The following HIVEP1 variants were observed in gnomAD, a reference collection of about 807,000 sequenced individuals.
The protein encoded by HIVEP1 is HIVEP zinc finger 1.
HIVEP1 carries 36 observed loss-of-function variants against 180.0 expected under a neutral mutation model. The ratio of observed to expected loss-of-function variants is 0.20; its 90% CI spans 0.15 to 0.26. The LOEUF (loss-of-function observed/expected upper bound fraction) is 0.26, where lower values mean the gene tolerates loss of function less well. Ranked by LOEUF, HIVEP1 falls within the 10% of genes least tolerant of loss-of-function variation. HIVEP1 has a pLI of 1.00. For missense variants in HIVEP1, 3,143 were observed against 3,268.7 expected, an observed-to-expected ratio of 0.96 and a Z score of 0.94; for synonymous variants, 1,239 against 1,239.0, an observed-to-expected ratio of 1.00 and a Z score of 0.00.
chr6:12,205,671 G>A, the HIVEP1 span, among the ~76,000 whole-genome samples: 4 of 152,076 alleles, frequency 2.6e-5, no homozygotes, highest in Admixed American at 2.6e-4. Context: ...GTCGTTATAA[G>A]GGTTATATAA....
intron 2 of HIVEP1, among the ~76,000 whole-genome samples, chr6:12,022,972 G>A (rs746387766): frequency 6.6e-6 from 1 of 152,134 alleles, no homozygotes; most frequent in Non-Finnish European, 1.5e-5. Flanking sequence ...GTTAGATGAG[G>A]TTAAACAGAA....
chr6:12,189,263 T>A, the HIVEP1 span, among the ~76,000 whole-genome samples: 74 of 152,058 alleles, frequency 4.9e-4, 1 homozygote, highest in African/African-American at 1.8e-3. Flanking sequence ...TTATTTTTAA[T>A]AATATGAGAG....
At chr6:12,054,785 C>T (rs1173962050) in intron 2 of HIVEP1, among the ~76,000 whole-genome samples, 2 of 152,244 alleles carry the variant, frequency 1.3e-5, no homozygotes, top group South Asian at 2.1e-4. Context: ...TGATGTTGTG[C>T]TTCTTGCTCA....
chr6:12,063,391 T>TG lies in HIVEP1; in HGVS notation c.41-25787dup, dbSNP rs1317301182. 6.6e-6 allele frequency among the ~76,000 whole-genome samples: 1 copy of TG among 152,084 alleles called. No homozygotes were observed. Among genetic ancestry groups the TG allele is most frequent in the African/African-American group, 2.4e-5 (1 of 41,402 alleles). On this transcript the variant is annotated intron_variant, in intron 2 of 8. Coordinates refer to ENST00000379388, the MANE Select transcript of HIVEP1 (RefSeq NM_002114.4). The surrounding 1 kb of genome is among the most constrained non-coding windows in gnomAD (Gnocchi z 4.2). ...TCTCCAGGCATTTCCAAATGCCTTT[T>TG]GGGGGGCAAAATCACCCCAACCTAA...
At chr6:12,160,323 T>A (rs1349529595) in intron 7 of HIVEP1, among the ~76,000 whole-genome samples, 18 of 152,244 alleles carry the variant, frequency 1.2e-4, no homozygotes. Flanking sequence ...CTAACGACTT[T>A]TAGATAATAT....
At chr6:12,019,950 A>G (rs1265643310) in intron 2 of HIVEP1, among the ~76,000 whole-genome samples, 1 of 152,230 alleles carries the variant, frequency 6.6e-6, no homozygotes, top group African/African-American at 2.4e-5. Flanking sequence ...GGAATCTATC[A>G]TGGAAGAGTA....
At chr6:12,078,260 G>A (rs2113260133) in intron 2 of HIVEP1, among the ~76,000 whole-genome samples, 3 of 152,252 alleles carry the variant, frequency 2.0e-5, no homozygotes, top group Middle Eastern at 6.8e-3. Context: ...ACGTCTGAAA[G>A]AATAGTCTCG....
chr6:12,152,652 T>A (rs1448157813), intron 7 of HIVEP1, among the ~76,000 whole-genome samples: 1 of 152,240 alleles, frequency 6.6e-6, no homozygotes, highest in Admixed American at 6.5e-5. Flanking sequence ...ACTTTGACAG[T>A]GGTCTCCTCT....
At chr6:12,200,247 CATGGCAAGACTCCAAAGT>C in the HIVEP1 span, among the ~76,000 whole-genome samples, 1 of 152,326 alleles carries the variant, frequency 6.6e-6, no homozygotes, top group African/African-American at 2.4e-5. Flanking sequence ...TTCCCCTTTC[CATGGCAAGACTCCAAAGT>C]TACTACCCCT....
At chr6:12,039,839 T>C (rs1354886498) in intron 2 of HIVEP1, among the ~76,000 whole-genome samples, 1 of 152,156 alleles carries the variant, frequency 6.6e-6, no homozygotes, top group Non-Finnish European at 1.5e-5. Context: ...TCACCACCCA[T>C]GAGCAGCCTG....
In HIVEP1 at chr6:12,122,570, A is replaced by G. The variant is rs1561966537; in HGVS notation, c.2775A>G (p.Gly925=). The change falls in exon 4 of 9, where the codon GGA becomes GGG. Residue 925 remains glycine (G), a synonymous_variant. Transcript: ENST00000379388. The part of the protein sequence containing the change: ...TGQSLDESHQ[G]CHAAGEAMSV... ...AGTCCCTGGATGAGAGCCACCAAGG[A>G]TGCCATGCTGCTGGTGAAGCCATGT... 6.2e-7 allele frequency: 1 copy of G among 1,614,108 alleles called. No individual in the cohort carries two copies. The highest frequency in any genetic ancestry group is 8.5e-7 in the Non-Finnish European group (1 of 1,180,046).
the HIVEP1 span, among the ~76,000 whole-genome samples, chr6:12,205,190 G>T: frequency 1.3e-5 from 2 of 152,120 alleles, no homozygotes; most frequent in African/African-American, 4.8e-5. Flanking sequence ...TGAACAAAGC[G>T]GCTGGGCGCG....
In HIVEP1 at chr6:12,161,692, C is replaced by T. The variant is rs556971665; in HGVS notation, c.6741C>T (p.Asp2247=). The T allele has an allele frequency of 9.9e-6, 16 of 1,614,180 alleles. No homozygotes were observed. The highest frequency in any genetic ancestry group is 9.3e-5 in the African/African-American group (7 of 75,046). ...CTGGGGTACACACGGACCCAATGGACGTTCTGCCCAGGGCGCTGCTCACCA... is the reference window on the plus strand; with the variant it reads ...CTGGGGTACACACGGACCCAATGGATGTTCTGCCCAGGGCGCTGCTCACCA... ...CFSGVHTDPM[D]VLPRALLTRM... The change falls in exon 8 of 9, where the codon GAC becomes GAT. Residue 2247 remains aspartate (D), a synonymous_variant. Transcript: ENST00000379388.
the HIVEP1 span, among the ~76,000 whole-genome samples, chr6:12,210,197 C>T: frequency 6.6e-6 from 1 of 152,242 alleles, no homozygotes; most frequent in African/African-American, 2.4e-5. Flanking sequence ...GGCACAATCC[C>T]TTCCTCAGCC....
chr6:12,164,463 G>A lies in HIVEP1; in HGVS notation c.*2G>A, dbSNP rs1279693866. The stretch of plus-strand genomic sequence containing the variant: ...GACAGGCTTGTGATAGCAACCTGAT[G>A]GATTTTATTTTTTATTTGCTTTTTT... On this transcript the variant is annotated 3_prime_UTR_variant, in exon 9 of 9. Coordinates refer to ENST00000379388, the MANE Select transcript of HIVEP1 (RefSeq NM_002114.4). 3.8e-6 allele frequency: 6 copies of A among 1,572,226 alleles called. No individual in the cohort carries two copies. The highest frequency in any genetic ancestry group is 3.4e-4 in the Middle Eastern group (2 of 5,822).
rs548451046 is a variant in HIVEP1, at chr6:12,020,526, C to T, written c.40+4858C>T. On this transcript the variant is annotated intron_variant, in intron 2 of 8. Transcript: ENST00000379388. ...ACCTTCTCAGGCCTTCGCTTGGACC[C>T]TTGAGTAACATGGAATGGAGGAGTT... 1.8e-5 allele frequency: 8 copies of T among 448,624 alleles called. No homozygotes were observed. In the Middle Eastern group the frequency reaches 1.0e-3, roughly 58 times the overall value. 27.8% of individuals were successfully genotyped at this position (448,624 alleles called of 1,614,324 possible).
At chr6:12,094,638 A>G (rs1343490366) in intron 3 of HIVEP1, among the ~76,000 whole-genome samples, 1 of 151,918 alleles carries the variant, frequency 6.6e-6, no homozygotes, top group Non-Finnish European at 1.5e-5. Context: ...GTATCTTTAA[A>G]CCAATTTGGT....
intron 3 of HIVEP1, among the ~76,000 whole-genome samples, chr6:12,105,314 C>T (rs983547446): frequency 1.3e-5 from 2 of 152,192 alleles, no homozygotes; most frequent in Admixed American, 6.5e-5. Context: ...GCCCTGGATT[C>T]TGTCATTTGT....
intron 3 of HIVEP1, among the ~76,000 whole-genome samples, chr6:12,094,633 T>G (rs187823854): frequency 6.6e-6 from 1 of 152,224 alleles, no homozygotes; most frequent in Admixed American, 6.5e-5. Context: ...CTTACGTATC[T>G]TTAAACCAAT....
Sources: gnomAD v4.1 joint callset for allele counts (sites outside exome capture counted in the v4.1 genomes callset) on GRCh38, gnomAD v4.1.1 for gene constraint, Gnocchi (gnomAD v3.1) non-coding constraint, MANE v1.5 for transcripts, NCBI Gene and HGNC (gene_info 2026-07-23, HGNC 2026-07-21) for gene names.